Variants in FLI1 observed in about 807,000 individuals in gnomAD.
The protein encoded by FLI1 is Fli-1 proto-oncogene, ETS transcription factor.
Under a neutral mutation model 53.1 loss-of-function variants are expected in FLI1, and 13 were observed. That is an observed-to-expected ratio of 0.24 (90% CI 0.16 to 0.39). The LOEUF is 0.39. FLI1 is among the 10% of genes least tolerant of loss of function. The probability of loss-of-function intolerance (pLI) is 1.00; values close to 1 mark genes in which losing one functional copy is unlikely to be tolerated. For synonymous variants in FLI1, 244 were observed against 236.7 expected (o/e 1.03, Z -0.28); for missense variants, 424 against 600.5 (o/e 0.71, Z 3.07).
chr11:128,739,000 A>G (rs902202295), intron 1 of FLI1, among the ~76,000 whole-genome samples: 1 of 152,232 alleles, frequency 6.6e-6, no homozygotes, highest in South Asian at 2.1e-4. Flanking sequence ...CTGTTTTCTG[A>G]TTAGAGTCTC....
At chr11:128,760,520 C>CTTTTT (rs1179242159) in intron 2 of FLI1, among the ~76,000 whole-genome samples, 11 of 103,580 alleles carry the variant, frequency 1.1e-4, no homozygotes, top group East Asian at 2.5e-4. Flanking sequence ...GTGGAGATTC[C>CTTTTT]TTTTTTTTTT....
chr11:128,690,094 T>C (rs1216977787), upstream of FLI1, among the ~76,000 whole-genome samples: 1 of 152,224 alleles, frequency 6.6e-6, no homozygotes, highest in African/African-American at 2.4e-5. Flanking sequence ...CTGCCTTGTT[T>C]GGCTAAGGTC....
chr11:128,731,406 G>T (rs982732790), intron 1 of FLI1, among the ~76,000 whole-genome samples: 2 of 151,996 alleles, frequency 1.3e-5, no homozygotes, highest in Admixed American at 6.5e-5. Context: ...TTGTCTAACG[G>T]TCTGCTCGTG....
intron 1 of FLI1, among the ~76,000 whole-genome samples, chr11:128,699,951 A>T (rs995227860): frequency 6.6e-6 from 1 of 152,228 alleles, no homozygotes; most frequent in East Asian, 1.9e-4. Context: ...TTAGGCAGGG[A>T]CTAAACTATG....
intron 1 of FLI1, among the ~76,000 whole-genome samples, chr11:128,696,338 G>C (rs150688158): frequency 3.5e-4 from 54 of 152,310 alleles, no homozygotes; most frequent in African/African-American, 1.3e-3. Context: ...TGGTGTTTAA[G>C]TTGTGTGAAA....
At chr11:128,788,913 C>T (rs1942181781) in intron 5 of FLI1, among the ~76,000 whole-genome samples, 1 of 152,146 alleles carries the variant, frequency 6.6e-6, no homozygotes. Flanking sequence ...CAAGCAGGTT[C>T]TAGTCAAACA....
intron 1 of FLI1, among the ~76,000 whole-genome samples, chr11:128,757,092 C>G (rs1007910581): frequency 6.8e-5 from 10 of 146,888 alleles, no homozygotes; most frequent in African/African-American, 2.6e-4. Flanking sequence ...TTCTTTCTTT[C>G]TTTCTTTCTT....
At chr11:128,790,044 ATGTG>A (rs3222797) in intron 5 of FLI1, among the ~76,000 whole-genome samples, 1 of 148,380 alleles carries the variant, frequency 6.7e-6, no homozygotes, top group Non-Finnish European at 1.5e-5. Context: ...TGATTGCTGG[ATGTG>A]TGTGTGTGTG....
chr11:128,721,755 C>T (rs1201337686), intron 1 of FLI1, among the ~76,000 whole-genome samples: 1 of 152,180 alleles, frequency 6.6e-6, no homozygotes, highest in Non-Finnish European at 1.5e-5. Flanking sequence ...CTACATTAAC[C>T]AAACAACATG....
intron 1 of FLI1, among the ~76,000 whole-genome samples, chr11:128,711,695 C>G (rs1244154080): frequency 6.6e-6 from 1 of 152,182 alleles, no homozygotes; most frequent in Admixed American, 6.5e-5. Flanking sequence ...TTGCAAAATA[C>G]TGGCATTGTA....
intron 1 of FLI1, among the ~76,000 whole-genome samples, chr11:128,756,758 G>T (rs1449728903): frequency 6.6e-6 from 1 of 152,198 alleles, no homozygotes; most frequent in Non-Finnish European, 1.5e-5. Context: ...GTGTAATTAT[G>T]TGACTGTAGT....
chr11:128,800,602 G>T (rs754537540), intron 5 of FLI1, among the ~76,000 whole-genome samples: 2 of 151,688 alleles, frequency 1.3e-5, no homozygotes, highest in Non-Finnish European at 2.9e-5. Context: ...TCCAGAAACA[G>T]CTTTCGCCTT....
intron 1 of FLI1, among the ~76,000 whole-genome samples, chr11:128,734,734 C>T (rs1309115691): frequency 6.6e-6 from 1 of 152,184 alleles, no homozygotes; most frequent in Non-Finnish European, 1.5e-5. Flanking sequence ...TCAAAGCCAG[C>T]AGGCTCATGT....
At chr11:128,690,650 T>C (rs964802496), upstream of FLI1, among the ~76,000 whole-genome samples, 18 of 152,238 alleles carry the variant, frequency 1.2e-4, no homozygotes, top group Non-Finnish European at 2.4e-4. Flanking sequence ...GCGTTCCAAA[T>C]GAAAATGCTC....
chr11:128,795,429 A>G (rs1942404806), intron 5 of FLI1, among the ~76,000 whole-genome samples: 1 of 152,234 alleles, frequency 6.6e-6, no homozygotes, highest in Admixed American at 6.5e-5. Flanking sequence ...TCCTGCTCCA[A>G]TAAAGGAAGA....
intron 1 of FLI1, among the ~76,000 whole-genome samples, chr11:128,742,256 C>T (rs142498430): frequency 1.2e-4 from 18 of 152,280 alleles, no homozygotes; most frequent in African/African-American, 2.4e-4. Flanking sequence ...TCATCAACAA[C>T]GCCATTAAAA....
At chr11:128,790,064 G>T (rs1379718198) in intron 5 of FLI1, among the ~76,000 whole-genome samples, 2 of 122,082 alleles carry the variant, frequency 1.6e-5, no homozygotes, top group African/African-American at 8.1e-5. Context: ...GTGTGTGCAT[G>T]CATGCGTGTG....
chr11:128,694,562 G>T (rs891708457), intron 1 of FLI1, among the ~76,000 whole-genome samples: 1 of 57,198 alleles, frequency 1.7e-5, no homozygotes, highest in Non-Finnish European at 3.3e-5. Flanking sequence ...GGAGGGGACG[G>T]CGGGAAACCG....
intron 1 of FLI1, among the ~76,000 whole-genome samples, chr11:128,700,980 T>A (rs952765741): frequency 6.6e-6 from 1 of 152,220 alleles, no homozygotes; most frequent in African/African-American, 2.4e-5. Flanking sequence ...AAACAAATCC[T>A]TCGTACTCTC....
Sources: gnomAD v4.1 joint callset for allele counts (sites outside exome capture counted in the v4.1 genomes callset) on GRCh38, gnomAD v4.1.1 for gene constraint, MANE v1.5 for transcripts, NCBI Gene and HGNC (gene_info 2026-07-23, HGNC 2026-07-21) for gene names.